KLHDC1: variants seen among roughly 807,000 people sequenced by gnomAD.
The protein encoded by KLHDC1 is kelch domain containing 1.
KLHDC1 carries 53 observed loss-of-function variants against 68.3 expected under a neutral mutation model. That is an observed-to-expected ratio of 0.78 (90% CI 0.62 to 0.98). The LOEUF is 0.98. KLHDC1 is among the 50% of genes least tolerant of loss of function. KLHDC1 has a pLI of 0.00. For missense variants in KLHDC1, 470 were observed against 492.3 expected (o/e 0.95, Z 0.43); for synonymous variants, 148 against 159.0 (o/e 0.93, Z 0.52).
intron 12 of KLHDC1, chr14:49,750,900 C>G (rs570688032): frequency 2.0e-5 from 3 of 152,300 alleles, no homozygotes; most frequent in African/African-American, 7.2e-5. Flanking sequence ...TCCTGTCTTT[C>G]ACCCTGCTCT....
chr14:49,711,062 T>G (rs1437307196), intron 4 of KLHDC1, among the ~76,000 whole-genome samples: 1 of 152,140 alleles, frequency 6.6e-6, no homozygotes, highest in East Asian at 1.9e-4. Context: ...GCACGATCTC[T>G]GCTCACTGCA....
At chr14:49,720,220 A>C (rs866274931) in intron 4 of KLHDC1, among the ~76,000 whole-genome samples, 9 of 151,990 alleles carry the variant, frequency 5.9e-5, no homozygotes, top group African/African-American at 2.2e-4. Context: ...TCCTGACCTC[A>C]GGTGATCCGC....
intron 10 of KLHDC1, 112 bp from the exon 11 acceptor site, chr14:49,739,986 G>A (rs1466895476): frequency 1.7e-6 from 1 of 579,636 alleles, no homozygotes; most frequent in African/African-American, 1.9e-5. Flanking sequence ...GTTCAATCGT[G>A]TCTCTTTTAA....
At chr14:49,694,632 T>A (rs901633916) in intron 1 of KLHDC1, among the ~76,000 whole-genome samples, 4 of 152,120 alleles carry the variant, frequency 2.6e-5, no homozygotes, top group South Asian at 2.1e-4. Context: ...GGCGGGTGGA[T>A]TACCTGAAGT....
intron 1 of KLHDC1, chr14:49,707,889 C>G (rs1888099621): frequency 6.6e-6 from 1 of 150,724 alleles, no homozygotes; most frequent in Non-Finnish European, 1.5e-5. Context: ...TTCCTGGATT[C>G]AAGCAATCCT....
At chr14:49,724,977 A>G (rs1318595788) in intron 5 of KLHDC1, among the ~76,000 whole-genome samples, 6 of 152,092 alleles carry the variant, frequency 3.9e-5, no homozygotes, top group Non-Finnish European at 8.8e-5. Context: ...CCCTGTTTCA[A>G]TTTAAATAAA....
At chr14:49,724,050 A>T (rs531083655) in intron 5 of KLHDC1, 98 bp downstream of exon 5, 1 of 651,244 alleles carries the variant, frequency 1.5e-6, no homozygotes, top group Admixed American at 3.5e-5. Flanking sequence ...TGGAGCTACC[A>T]ATTTGTCGTA....
chr14:49,720,278 G>A (rs4516122), intron 4 of KLHDC1, among the ~76,000 whole-genome samples: 101,139 of 151,954 alleles, frequency 0.67, 34,369 homozygotes, highest in South Asian at 0.89. Context: ...GAGCCACAGC[G>A]CTCAGCCTTT....
At chr14:49,741,432 A>G (rs1463344648) in intron 11 of KLHDC1, among the ~76,000 whole-genome samples, 1 of 151,594 alleles carries the variant, frequency 6.6e-6, no homozygotes, top group African/African-American at 2.4e-5. Flanking sequence ...CAGCCTCCCA[A>G]GTAGCTGGGA....
chr14:49,709,926 A>C (rs1436623193), intron 3 of KLHDC1, 100 bp downstream of exon 3: 4 of 636,786 alleles, frequency 6.3e-6, no homozygotes, highest in Non-Finnish European at 1.0e-5. Context: ...ATATATATAG[A>C]AAACCTTAAA....
At position 49,722,978 on chromosome 14, in the gene KLHDC1, G is replaced by A. The variant is rs927985228; in HGVS notation, c.405-896G>A. Among the ~76,000 whole-genome samples the A allele has an allele frequency of 2.0e-5, 3 of 148,260 alleles. 1 individual carries two copies. Among genetic ancestry groups the A allele is most frequent in the South Asian group, 4.3e-4 (2 of 4,660 alleles). On this transcript the variant is annotated intron_variant, in intron 4 of 12. Coordinates refer to ENST00000359332, the MANE Select transcript of KLHDC1 (RefSeq NM_172193.3). ...GGCAGGCGCCTGTAATCCCAGCTAC[G>A]CAGGAGGCTGAGGCAGGAGATTCAC...
chr14:49,730,222 GTTT>G (rs11340525), intron 8 of KLHDC1, among the ~76,000 whole-genome samples: 8 of 98,944 alleles, frequency 8.1e-5, no homozygotes, highest in Admixed American at 1.1e-4. Flanking sequence ...ATATTTGCAG[GTTT>G]TTTTTTTTTT....
At chr14:49,743,917 A>T in intron 12 of KLHDC1, 112 bp downstream of exon 12, 1 of 627,312 alleles carries the variant, frequency 1.6e-6, no homozygotes. Flanking sequence ...TGAATTCAAG[A>T]ATATGTTCAC....
chr14:49,728,607 A>G (rs1183159814), intron 6 of KLHDC1, among the ~76,000 whole-genome samples: 1 of 152,308 alleles, frequency 6.6e-6, no homozygotes, highest in African/African-American at 2.4e-5. Flanking sequence ...GAGAGAGAAC[A>G]TTTTAAAATT....
chr14:49,730,433 G>A (rs1322969615), intron 8 of KLHDC1, among the ~76,000 whole-genome samples: 1 of 151,864 alleles, frequency 6.6e-6, no homozygotes, highest in South Asian at 2.1e-4. Flanking sequence ...TGTTGGCCAG[G>A]ATGGTCTCGA....
At chr14:49,743,298 G>T (rs1257949364) in intron 11 of KLHDC1, among the ~76,000 whole-genome samples, 1 of 150,942 alleles carries the variant, frequency 6.6e-6, no homozygotes, top group Admixed American at 6.6e-5. Flanking sequence ...TACTCAGGAG[G>T]CTGAGGCAAG....
intron 4 of KLHDC1, 130 bp from the exon 5 acceptor site, chr14:49,723,744 T>C (rs994736965): frequency 1.2e-5 from 7 of 588,830 alleles, no homozygotes; most frequent in African/African-American, 7.5e-5. Flanking sequence ...CTTTGTTCCC[T>C]CAGCTCTTTA....
intron 1 of KLHDC1, among the ~76,000 whole-genome samples, chr14:49,704,089 A>C (rs1429680478): frequency 6.6e-6 from 1 of 152,138 alleles, no homozygotes; most frequent in Non-Finnish European, 1.5e-5. Context: ...CTTGCCCCAT[A>C]TCCTTGGCAA....
At chr14:49,726,830 T>C (rs1476478281) in intron 6 of KLHDC1, among the ~76,000 whole-genome samples, 1 of 152,258 alleles carries the variant, frequency 6.6e-6, no homozygotes, top group Non-Finnish European at 1.5e-5. Context: ...TTTTCTCTGC[T>C]TCTCTTTGTG....
Sources: allele counts gnomAD v4.1 joint callset (sites outside exome capture counted in the v4.1 genomes callset), GRCh38; gene constraint gnomAD v4.1.1; transcripts MANE v1.5; gene names NCBI Gene and HGNC (gene_info 2026-07-23, HGNC 2026-07-21).